LCORL: variants seen among roughly 807,000 people sequenced by gnomAD.
LCORL encodes the protein ligand dependent nuclear receptor corepressor like.
Under a neutral mutation model 141.8 loss-of-function variants are expected in LCORL, and 41 were observed. The observed-to-expected ratio is 0.29, with a 90% CI of 0.23 to 0.38. The LOEUF is 0.38. Ranked by LOEUF, LCORL falls within the 10% of genes least tolerant of loss-of-function variation. The probability of loss-of-function intolerance (pLI) is 1.00; values close to 1 mark genes in which losing one functional copy is unlikely to be tolerated. For missense variants in LCORL, 1,759 were observed against 2,035.0 expected (o/e 0.86, Z 2.61); for synonymous variants, 618 against 694.1 (o/e 0.89, Z 1.72).
chr4:17,877,823 A>T, exon 7 of LCORL: 1 of 1,230,730 alleles, frequency 8.1e-7, no homozygotes, highest in East Asian at 3.2e-5. Flanking sequence ...AACTGTCTGC[A>T]ATTCCTCTAT....
At chr4:17,964,210 A>G (rs1714410043) in intron 2 of LCORL, among the ~76,000 whole-genome samples, 2 of 152,096 alleles carry the variant, frequency 1.3e-5, no homozygotes, top group Admixed American at 1.3e-4. Context: ...GGAAATTAAG[A>G]TGCGGTGTAG....
intron 4 of LCORL, among the ~76,000 whole-genome samples, chr4:17,956,725 T>C (rs1400824294): frequency 2.0e-5 from 3 of 151,992 alleles, no homozygotes; most frequent in Admixed American, 1.3e-4. Context: ...TAGTGTTTGA[T>C]GGTACAGTAG....
intron 4 of LCORL, among the ~76,000 whole-genome samples, chr4:17,943,738 A>G (rs1169518825): frequency 6.6e-6 from 1 of 152,248 alleles, no homozygotes; most frequent in Non-Finnish European, 1.5e-5. Context: ...GGAATATGCC[A>G]GGTCACAGGA....
At chr4:17,962,709 T>C (rs1182090421) in intron 3 of LCORL, among the ~76,000 whole-genome samples, 1 of 151,706 alleles carries the variant, frequency 6.6e-6, no homozygotes, top group Non-Finnish European at 1.5e-5. Context: ...CTAAACTTAA[T>C]GAGTCAGGGT....
intron 1 of LCORL, among the ~76,000 whole-genome samples, chr4:17,997,611 A>G: frequency 6.6e-6 from 1 of 152,196 alleles, no homozygotes; most frequent in South Asian, 2.1e-4. Flanking sequence ...AAGTCTTCAA[A>G]TTTTTTTTAA....
intron 5 of LCORL, among the ~76,000 whole-genome samples, chr4:17,888,251 G>T (rs900753158): frequency 6.6e-6 from 1 of 152,108 alleles, no homozygotes; most frequent in African/African-American, 2.4e-5. Context: ...AGAGTCCACA[G>T]ATTAGAAGGG....
chr4:17,883,668 ACG>A, intron 6 of LCORL: 1 of 1,403,868 alleles, frequency 7.1e-7, no homozygotes, highest in African/African-American at 1.8e-5. Flanking sequence ...ATACACACAC[ACG>A]CAAACACACA....
At position 17,843,419 on chromosome 4, in the gene LCORL, AAGTT is replaced by A. The variant is rs769341221; in HGVS notation, c.*2465_*2468del. The A allele has an allele frequency of 2.5e-6, 4 of 1,610,892 alleles. No individual in the cohort carries two copies. In the South Asian group the frequency reaches 4.4e-5, roughly 18 times the overall value. ...TTGCCCAATTTCTCAATGAAGATCTAAGTTAGGAAAGACGATGGAGGTGGAATCC... is the reference window on the plus strand; with the variant it reads ...TTGCCCAATTTCTCAATGAAGATCTAAGGAAAGACGATGGAGGTGGAATCC... On this transcript the variant is annotated 3_prime_UTR_variant, in exon 8 of 8. Coordinates refer to ENST00000635767, the Ensembl canonical transcript of LCORL.
chr4:17,933,704 C>T (rs1736407785), intron 4 of LCORL, among the ~76,000 whole-genome samples: 1 of 151,912 alleles, frequency 6.6e-6, no homozygotes, highest in South Asian at 2.1e-4. Context: ...TTCATATGTC[C>T]TATACTCTAT....
chr4:17,884,573 T>G lies in LCORL; in HGVS notation c.776+1495A>C, dbSNP rs769151817. On this transcript the variant is annotated intron_variant, in intron 6 of 7. Transcript: ENST00000635767. This position sits in a 1 kb window ranked among gnomAD's most constrained non-coding sequence, Gnocchi z 4.4. Reference sequence around the variant, plus strand: ...AGTTTTGTTTTTAAAAGATGCAGGCTTCCCTGCTGGTAAGGCTTCTAAGTG... The same window carrying G: ...AGTTTTGTTTTTAAAAGATGCAGGCGTCCCTGCTGGTAAGGCTTCTAAGTG... 14 of 1,540,142 alleles carry G rather than the reference T, an allele frequency of 9.1e-6. 1 individual carries two copies. In the South Asian group the frequency reaches 1.5e-4, roughly 16 times the overall value.
intron 2 of LCORL, among the ~76,000 whole-genome samples, chr4:17,970,375 T>C (rs926876965): frequency 1.3e-5 from 2 of 152,216 alleles, no homozygotes; most frequent in African/African-American, 4.8e-5. Flanking sequence ...GGTATTGCAA[T>C]TACATCACAG....
rs187247148 is a variant in LCORL, at chr4:17,978,669, T to C, written c.155-5784A>G. On this transcript the variant is annotated intron_variant, in intron 1 of 7. Transcript: ENST00000635767. ...ACTTGAATAATGATTGCCAGCCCTA[T>C]ATAAGTTCTGAAAATTGTTTACATT... is the stretch of plus-strand genomic sequence containing the variant. Among the ~76,000 whole-genome samples, 69 of 152,200 alleles carry C rather than the reference T, an allele frequency of 4.5e-4. 1 individual carries two copies. Among genetic ancestry groups the C allele is most frequent in the Middle Eastern group, 3.4e-3 (1 of 294 alleles).
At chr4:17,917,463 G>C (rs1221085297) in intron 4 of LCORL, among the ~76,000 whole-genome samples, 1 of 152,242 alleles carries the variant, frequency 6.6e-6, no homozygotes, top group East Asian at 1.9e-4. Context: ...AAAGTGCTGG[G>C]ATTACAGGCA....
At chr4:17,843,414 G>C (rs1177149492) in exon 8 of LCORL, 4 of 1,611,076 alleles carry the variant, frequency 2.5e-6, no homozygotes, top group Non-Finnish European at 1.7e-6. Flanking sequence ...TCTCAATGAA[G>C]ATCTAAGTTA....
chr4:17,886,344 A>G (rs1728267844), intron 5 of LCORL, among the ~76,000 whole-genome samples, 183 bp from the exon 6 acceptor site: 1 of 152,048 alleles, frequency 6.6e-6, no homozygotes, highest in Non-Finnish European at 1.5e-5. Flanking sequence ...TAGGAAAAAA[A>G]GAACAGAGGA....
At chr4:18,001,250 AAAG>A (rs1169385552) in intron 1 of LCORL, among the ~76,000 whole-genome samples, 1 of 152,162 alleles carries the variant, frequency 6.6e-6, no homozygotes, top group Non-Finnish European at 1.5e-5. Context: ...TGTGAGGATT[AAAG>A]GATATAATAC....
rs531017980 is a variant in LCORL, at chr4:17,893,264, T to C, written c.683-7103A>G. ...ATCCAGCAATTTCACTTCTAGGAATTTGTCCTGAAGTAAAAATTAAGATTG... is the reference window on the plus strand; with the variant it reads ...ATCCAGCAATTTCACTTCTAGGAATCTGTCCTGAAGTAAAAATTAAGATTG... On this transcript the variant is annotated intron_variant, in intron 5 of 7. Coordinates refer to ENST00000635767, the Ensembl canonical transcript of LCORL. 67 of 515,086 alleles carry C rather than the reference T, an allele frequency of 1.3e-4. 2 individuals carry two copies. In the South Asian group the frequency reaches 4.2e-3, roughly 32 times the overall value. The allele number at this position is 515,086 out of a possible 1,614,324, so 31.9% of individuals were successfully genotyped here.
intron 7 of LCORL, among the ~76,000 whole-genome samples, chr4:17,865,740 G>GT (rs1458651878): frequency 6.6e-6 from 1 of 152,158 alleles, no homozygotes; most frequent in East Asian, 1.9e-4. Flanking sequence ...ATAAGCATAA[G>GT]TATCACTTGG....
intron 1 of LCORL, among the ~76,000 whole-genome samples, chr4:18,006,755 C>T (rs1025441477): frequency 6.6e-6 from 1 of 152,130 alleles, no homozygotes; most frequent in Non-Finnish European, 1.5e-5. Flanking sequence ...AATTCAATTA[C>T]CTCCCACCAG....
Sources: gnomAD v4.1 joint callset for allele counts (sites outside exome capture counted in the v4.1 genomes callset) on GRCh38, gnomAD v4.1.1 for gene constraint, Gnocchi (gnomAD v3.1) non-coding constraint, MANE v1.5 for transcripts, NCBI Gene and HGNC (gene_info 2026-07-23, HGNC 2026-07-21) for gene names.